The following RARG variants were observed in gnomAD, a reference collection of about 807,000 sequenced individuals.
RARG encodes the protein RAR-gamma.
RARG carries 17 observed loss-of-function variants against 43.7 expected under a neutral mutation model. The ratio of observed to expected loss-of-function variants is 0.39; its 90% CI spans 0.27 to 0.58. RARG has a LOEUF of 0.58. Ranked by LOEUF, RARG falls within the 20% of genes least tolerant of loss-of-function variation. The pLI is 0.57. For missense variants in RARG, 346 were observed against 598.7 expected (o/e 0.58, Z 4.40); for synonymous variants, 238 against 236.4 (o/e 1.01, Z -0.06).
Position 53,221,390 on chromosome 12 carries a change from G to T in RARG, c.185-5596C>A, listed in dbSNP as rs575001931. On this transcript the variant is annotated intron_variant, in intron 3 of 9. Transcript: ENST00000425354. The stretch of plus-strand genomic sequence containing the variant: ...CCTGCCGTGCCAACTGCGCCTCGAT[G>T]AATCTGCCCCTGATGGCCAACTCCC... 2.6e-5 allele frequency among the ~76,000 whole-genome samples: 4 copies of T among 152,290 alleles called. No homozygotes were observed. In the South Asian group the frequency reaches 8.3e-4, roughly 32 times the overall value.
intron 3 of RARG, among the ~76,000 whole-genome samples, chr12:53,223,504 G>A (rs1371844095): frequency 2.0e-5 from 3 of 149,634 alleles, no homozygotes; most frequent in Non-Finnish European, 4.4e-5. Flanking sequence ...TGGCGGCGGC[G>A]GCTTGCCCGG....
At position 53,213,050 on chromosome 12, in the gene RARG, G is replaced by A. The variant is rs1005124392; in HGVS notation, c.1177+35C>T. ...CCGACCTGGGAGACCAACAGCCCTG[G>A]GAAGACAGAGAGGGGACACCCACTC... On this transcript the variant is annotated intron_variant, in intron 9 of 9. Transcript: ENST00000425354. This position sits in a 1 kb window ranked among gnomAD's most constrained non-coding sequence, Gnocchi z 4.7. The A allele has an allele frequency of 1.3e-6, 2 of 1,584,450 alleles. No individual in the cohort carries two copies. The highest frequency in any genetic ancestry group is 8.6e-7 in the Non-Finnish European group (1 of 1,162,590).
At chr12:53,220,529 GCATTT>G (rs1449178174) in intron 3 of RARG, 1 of 330,768 alleles carries the variant, frequency 3.0e-6, no homozygotes, top group Non-Finnish European at 5.5e-6. Context: ...ATCCGTGCAT[GCATTT>G]ATCTTATCAG....
chr12:53,221,006 C>T (rs1343285653), intron 3 of RARG, among the ~76,000 whole-genome samples: 1 of 152,044 alleles, frequency 6.6e-6, no homozygotes, highest in Non-Finnish European at 1.5e-5. Context: ...CTCCTTCCTT[C>T]CCGTCTCCCC....
At chr12:53,230,477 G>A (rs915033572) in intron 2 of RARG, among the ~76,000 whole-genome samples, 1 of 152,088 alleles carries the variant, frequency 6.6e-6, no homozygotes, top group African/African-American at 2.4e-5. Flanking sequence ...TCCAGCCTGG[G>A]CAGAGAACCC....
intron 2 of RARG, among the ~76,000 whole-genome samples, chr12:53,230,629 C>A (rs1232965275): frequency 6.6e-6 from 1 of 152,068 alleles, no homozygotes; most frequent in African/African-American, 2.4e-5. Flanking sequence ...CCTCCCTCCA[C>A]CCTACTAGCC....
intron 3 of RARG, chr12:53,219,894 A>G (rs1035633365): frequency 8.5e-6 from 12 of 1,405,136 alleles, no homozygotes; most frequent in Non-Finnish European, 1.0e-5. Context: ...ACACGGAAAG[A>G]GTAAATCCCA....
At chr12:53,218,212 T>G (rs1173374562) in intron 3 of RARG, among the ~76,000 whole-genome samples, 1 of 151,634 alleles carries the variant, frequency 6.6e-6, no homozygotes, top group African/African-American at 2.4e-5. Flanking sequence ...CACACACACA[T>G]CCAGCCCACC....
At chr12:53,231,259 G>A (rs574421915) in intron 1 of RARG, 24 bp from the exon 2 acceptor site, 2 of 152,404 alleles carry the variant, frequency 1.3e-5, no homozygotes, top group Non-Finnish European at 2.9e-5. Flanking sequence ...GGCAGCGTCA[G>A]TGGAACTCTG....
rs769754127 is a variant in RARG at position 53,214,575 on chromosome 12, TTTC to T, written c.504_506del (p.Lys169del). On this transcript the variant is annotated inframe_deletion, in exon 6 of 10. Transcript: ENST00000425354. ...CAGGTGACCCTTCTTCCTTCACCTC[TTTC>T]TTCTTCTTGTTCCGGTCATTTCGCA... 3.8e-5 allele frequency: 61 copies of T among 1,609,462 alleles called. No individual in the cohort carries two copies. The highest frequency in any genetic ancestry group is 2.0e-4 in the East Asian group (9 of 44,722).
Position 53,211,333 on chromosome 12 carries a change from G to T in RARG, c.*343C>A. 1 of 210,404 alleles carries T rather than the reference G, an allele frequency of 4.8e-6. No homozygotes were observed. Among genetic ancestry groups the T allele is most frequent in the Non-Finnish European group, 9.4e-6 (1 of 105,974 alleles). 13.0% of individuals were successfully genotyped at this position (210,404 alleles called of 1,614,324 possible). A position where few individuals can be genotyped will look rare whatever the true frequency, so the allele number is the denominator to read the frequency against. On this transcript the variant is annotated 3_prime_UTR_variant, in exon 10 of 10. Transcript: ENST00000425354. The surrounding 1 kb of genome is among the most constrained non-coding windows in gnomAD (Gnocchi z 4.6). ...TTGCTCTCAGAGAGCCAAGCACCTG[G>T]CAGAGGAAGGGGCTGTGGAATGGCA...
rs1214553940 is a variant in RARG at position 53,215,181 on chromosome 12, A to AG, written c.475+111dup. Reference sequence around the variant, plus strand: ...CTGGCCTGGGAGAAGGCAGCACCCCAGGGCAGGCCAAGTCTCAGAGGTCAG... The same window carrying AG: ...CTGGCCTGGGAGAAGGCAGCACCCCAGGGGCAGGCCAAGTCTCAGAGGTCAG... On this transcript the variant is annotated intron_variant, in intron 5 of 9. Transcript: ENST00000425354. This position sits in a 1 kb window ranked among gnomAD's most constrained non-coding sequence, Gnocchi z 6.4. 7.2e-7 allele frequency: 1 copy of AG among 1,384,090 alleles called. No homozygotes were observed. Among genetic ancestry groups the AG allele is most frequent in the Non-Finnish European group, 9.9e-7 (1 of 1,013,424 alleles). 85.7% of individuals were successfully genotyped at this position (1,384,090 alleles called of 1,614,324 possible). A position where few individuals can be genotyped will look rare whatever the true frequency, so the allele number is the denominator to read the frequency against.
At chr12:53,222,577 C>T (rs918734253) in intron 3 of RARG, among the ~76,000 whole-genome samples, 4 of 152,156 alleles carry the variant, frequency 2.6e-5, no homozygotes, top group African/African-American at 9.7e-5. Flanking sequence ...TGGGGGAGGG[C>T]TCCAGGAAGC....
At chr12:53,221,072 C>T (rs1016473004) in intron 3 of RARG, among the ~76,000 whole-genome samples, 21 of 152,114 alleles carry the variant, frequency 1.4e-4, no homozygotes, top group Admixed American at 1.0e-3. Context: ...GGGAACCCCC[C>T]TCGGGGCGGG....
In RARG at chr12:53,211,698, C is replaced by T. The variant is rs1203039353; in HGVS notation, c.1343G>A (p.Gly448Glu). ...TGGTCAGGCTGGGGACTTCAGGCCCCCTTTGCCCTGGCCCCCAGGAACCTC... is the reference window on the plus strand; with the variant it reads ...TGGTCAGGCTGGGGACTTCAGGCCCTCTTTGCCCTGGCCCCCAGGAACCTC... ...EDEVPGGQGK[G>E]GLKSPA Residue 448 changes from glycine (G) to glutamate (E), a missense_variant, in exon 10 of 10, where the codon GGG becomes GAG. Transcript: ENST00000425354. The surrounding 1 kb of genome is among the most constrained non-coding windows in gnomAD (Gnocchi z 4.6). The T allele has an allele frequency of 1.0e-5, 16 of 1,546,170 alleles. No homozygotes were observed. The highest frequency in any genetic ancestry group is 1.4e-5 in the Non-Finnish European group (16 of 1,148,374).
intron 2 of RARG, among the ~76,000 whole-genome samples, chr12:53,230,399 G>A (rs183071983): frequency 1.6e-3 from 249 of 152,036 alleles, no homozygotes; most frequent in African/African-American, 5.7e-3. Flanking sequence ...TGCTCTTGTC[G>A]GCCACTCTCC....
Position 53,214,200 on chromosome 12 carries a change from C to T in RARG, c.672G>A (p.Leu224=), listed in dbSNP as rs1224485081. Residue 224 remains leucine (L), a synonymous_variant, in exon 7 of 10, where the codon CTG becomes CTA. Transcript: ENST00000425354. ...GCTCACTGAACTTGTCCCACAGCCC[C>T]AGATCCAGCTGCACGCGGTGGTCTG... ...SSADHRVQLD[L]GLWDKFSELA... is the part of the protein sequence containing the mutation. 6.2e-7 allele frequency: 1 copy of T among 1,613,810 alleles called. No homozygotes were observed. Among genetic ancestry groups the T allele is most frequent in the Non-Finnish European group, 8.5e-7 (1 of 1,179,718 alleles).
chr12:53,222,845 A>T (rs1219279346), intron 3 of RARG, among the ~76,000 whole-genome samples: 1 of 151,850 alleles, frequency 6.6e-6, no homozygotes, highest in Non-Finnish European at 1.5e-5. Flanking sequence ...CAGCAATTAG[A>T]CCCATTAGCC....
At chr12:53,223,076 T>TA (rs1254828597) in intron 3 of RARG, among the ~76,000 whole-genome samples, 1 of 152,220 alleles carries the variant, frequency 6.6e-6, no homozygotes, top group East Asian at 1.9e-4. Context: ...GGTCACCCCT[T>TA]AGAGTCCCTG....
Sources: allele counts gnomAD v4.1 joint callset (sites outside exome capture counted in the v4.1 genomes callset), GRCh38; gene constraint gnomAD v4.1.1; non-coding constraint Gnocchi (gnomAD v3.1); transcripts MANE v1.5; gene names NCBI Gene and HGNC (gene_info 2026-07-23, HGNC 2026-07-21).